PATJ: variants seen among roughly 807,000 people sequenced by gnomAD.
PATJ encodes the protein PATJ crumbs cell polarity complex component, also known as inaD-like protein.
In PATJ, 190 loss-of-function variants were observed where a neutral mutation model predicts 224.9. That is an observed-to-expected ratio of 0.84 (90% CI 0.75 to 0.95). The LOEUF (loss-of-function observed/expected upper bound fraction) is 0.95, where lower values mean the gene tolerates loss of function less well. Among genes scored for constraint, PATJ ranks in the 40% least tolerant of loss-of-function variants. The pLI is 0.00. For synonymous variants in PATJ, 769 were observed against 820.3 expected, an observed-to-expected ratio of 0.94 and a Z score of 1.07; for missense variants, 2,121 against 2,270.3, an observed-to-expected ratio of 0.93 and a Z score of 1.34.
chr1:62,108,530 T>C lies in PATJ; in HGVS notation c.4461+10T>C. 1 of 1,564,620 alleles carries C rather than the reference T, an allele frequency of 6.4e-7. No individual in the cohort carries two copies. Among genetic ancestry groups the C allele is most frequent in the Non-Finnish European group, 8.8e-7 (1 of 1,141,020 alleles). On this transcript the variant is annotated intron_variant, in intron 34 of 43. Coordinates refer to ENST00000642238, the MANE Select transcript of PATJ (RefSeq NM_001350145.3). Reference sequence around the variant, plus strand: ...TGACCAGATATTAGAGGTATATGGTTTTGAATTTTATTTTATATCAGTAAA... The same window carrying C: ...TGACCAGATATTAGAGGTATATGGTCTTGAATTTTATTTTATATCAGTAAA...
chr1:61,807,971 C>T (rs1342076374), intron 13 of PATJ, among the ~76,000 whole-genome samples: 1 of 152,170 alleles, frequency 6.6e-6, no homozygotes, highest in East Asian at 1.9e-4. Flanking sequence ...CCAGGTCTTT[C>T]CGTTTATGTC....
chr1:62,156,054 TAAAA>T (rs34300724), intron 43 of PATJ, among the ~76,000 whole-genome samples: 309 of 43,050 alleles, frequency 7.2e-3, no homozygotes, highest in African/African-American at 0.028. Flanking sequence ...CAAGACTCTG[TAAAA>T]AAAAAAAAAA....
At chr1:61,785,729 A>G (rs1648359945) in intron 7 of PATJ, among the ~76,000 whole-genome samples, 1 of 152,256 alleles carries the variant, frequency 6.6e-6, no homozygotes, top group South Asian at 2.1e-4. Context: ...AAAATTTATC[A>G]AAGAAGGGAA....
chr1:62,074,862 G>T (rs1238958737), intron 31 of PATJ, among the ~76,000 whole-genome samples: 1 of 152,130 alleles, frequency 6.6e-6, no homozygotes, highest in African/African-American at 2.4e-5. Flanking sequence ...TACTCAGGAG[G>T]CTGAGGCAGG....
At chr1:61,910,866 T>TGAGTGAGGCAAATGAAAGGA (rs1014004374) in intron 25 of PATJ, among the ~76,000 whole-genome samples, 7 of 152,252 alleles carry the variant, frequency 4.6e-5, no homozygotes, top group African/African-American at 1.7e-4. Context: ...TGATTCTTAT[T>TGAGTGAGGCAAATGAAAGGA]GAGTGAGGCA....
At chr1:61,862,138 C>T (rs370178510) in intron 19 of PATJ, among the ~76,000 whole-genome samples, 3 of 152,132 alleles carry the variant, frequency 2.0e-5, no homozygotes, top group African/African-American at 7.2e-5. Context: ...GCTGGCATTA[C>T]AGGTGTGAGC....
chr1:61,910,536 CTTTTTTTTTTTT>C (rs71050181), intron 25 of PATJ, among the ~76,000 whole-genome samples: 13 of 42,266 alleles, frequency 3.1e-4, no homozygotes, highest in African/African-American at 5.1e-4. Flanking sequence ...CAAAGTGACT[CTTTTTTTTTTTT>C]TTTTTTTTTT....
At chr1:62,081,300 A>G (rs374313060) in intron 32 of PATJ, among the ~76,000 whole-genome samples, 2 of 152,192 alleles carry the variant, frequency 1.3e-5, no homozygotes, top group Admixed American at 6.5e-5. Context: ...GAAGTTCATC[A>G]TCCTACAGTT....
At chr1:62,111,663 C>CT (rs35549430) in intron 34 of PATJ, among the ~76,000 whole-genome samples, 75,333 of 142,270 alleles carry the variant, frequency 0.53, 20,745 homozygotes, top group South Asian at 0.65. Flanking sequence ...AACCCATGTT[C>CT]TTTTTTTTTT....
intron 28 of PATJ, among the ~76,000 whole-genome samples, chr1:62,015,723 T>C (rs1222734954): frequency 1.3e-5 from 2 of 152,062 alleles, no homozygotes; most frequent in Non-Finnish European, 2.9e-5. Context: ...TTTTTGTTTT[T>C]GTTTTTGTTT....
At chr1:61,757,317 G>A (rs1334640958) in intron 1 of PATJ, among the ~76,000 whole-genome samples, 2 of 151,268 alleles carry the variant, frequency 1.3e-5, no homozygotes, top group Non-Finnish European at 2.9e-5. Context: ...AGCAATTCTT[G>A]AACCTTGGCT....
chr1:61,988,177 TGATAGA>T (rs1476215863), intron 27 of PATJ, among the ~76,000 whole-genome samples: 2 of 152,104 alleles, frequency 1.3e-5, no homozygotes, highest in African/African-American at 4.8e-5. Flanking sequence ...CCAGCCTGGG[TGATAGA>T]GCAAGACTTC....
chr1:62,099,645 TAAG>T (rs2148827890), intron 33 of PATJ, among the ~76,000 whole-genome samples: 1 of 152,148 alleles, frequency 6.6e-6, no homozygotes, highest in Non-Finnish European at 1.5e-5. Context: ...GCAGTGTAAT[TAAG>T]CCGTGTATTC....
intron 27 of PATJ, among the ~76,000 whole-genome samples, chr1:61,959,436 T>A (rs1174202321): frequency 0.053 from 3,058 of 57,856 alleles, 134 homozygotes; most frequent in African/African-American, 0.13. Context: ...TTTTTTTTCT[T>A]TTCTTTTTTT....
intron 14 of PATJ, among the ~76,000 whole-genome samples, chr1:61,812,317 G>A (rs7529082): frequency 8.0e-5 from 12 of 150,022 alleles, no homozygotes; most frequent in Non-Finnish European, 1.5e-4. Flanking sequence ...AGGTCTTACC[G>A]TGCCTGCTAA....
intron 24 of PATJ, among the ~76,000 whole-genome samples, chr1:61,902,077 C>T (rs1422128880): frequency 6.6e-6 from 1 of 151,922 alleles, no homozygotes; most frequent in Non-Finnish European, 1.5e-5. Flanking sequence ...AAAAATCAGC[C>T]GGGCGTAGTG....
Position 62,034,866 on chromosome 1 carries a change from C to G in PATJ, c.3960-3111C>G, listed in dbSNP as rs142616203. Among the ~76,000 whole-genome samples, 426 of 152,282 alleles carry G rather than the reference C, an allele frequency of 2.8e-3. 3 individuals carry two copies. The highest frequency in any genetic ancestry group is 9.8e-3 in the African/African-American group (408 of 41,542). ...GAATAACTTGGCCAATTTGAGCTAA[C>G]TTGGTTCAGTTCATCACGATCTCTC... On this transcript the variant is annotated intron_variant, in intron 29 of 43. Transcript: ENST00000642238.
At chr1:62,023,057 A>T (rs752741120) in intron 29 of PATJ, among the ~76,000 whole-genome samples, 7 of 152,192 alleles carry the variant, frequency 4.6e-5, no homozygotes, top group Non-Finnish European at 1.0e-4. Context: ...AGGGAGGCCC[A>T]GGCAGGCAGA....
intron 28 of PATJ, chr1:61,991,845 G>A (rs1645079974): frequency 1.9e-6 from 1 of 534,734 alleles, no homozygotes; most frequent in Non-Finnish European, 2.4e-6. Context: ...AGACAAAAGT[G>A]ATGCTGGTAG....
Sources: allele counts gnomAD v4.1 joint callset (sites outside exome capture counted in the v4.1 genomes callset), GRCh38; gene constraint gnomAD v4.1.1; transcripts MANE v1.5; gene names NCBI Gene and HGNC (gene_info 2026-07-23, HGNC 2026-07-21).